Variants in AFF2 observed in about 807,000 individuals in gnomAD.
The protein encoded by AFF2 is AF4/FMR2 family member 2.
Under a neutral mutation model 76.9 loss-of-function variants are expected in AFF2, and 14 were observed. That is an observed-to-expected ratio of 0.18 (90% CI 0.12 to 0.28). AFF2 has a LOEUF of 0.28. Among genes scored for constraint, AFF2 ranks in the 10% least tolerant of loss-of-function variants. The pLI, the probability that AFF2 is intolerant of heterozygous loss-of-function variation, is 1.00. For missense variants in AFF2, 868 were observed against 1,001.1 expected, an observed-to-expected ratio of 0.87 and a Z score of 1.79; for synonymous variants, 398 against 366.7, an observed-to-expected ratio of 1.09 and a Z score of -0.98.
At chrX:148,610,136 G>A (rs2053713806) in intron 1 of AFF2, among the ~76,000 whole-genome samples, 1 of 111,732 alleles carries the variant, frequency 8.9e-6, no homozygotes, top group Non-Finnish European at 1.9e-5. Context: ...AGAGAGGGGG[G>A]TGGAAGAGTG....
chrX:148,810,270 G>A (rs1167413935), intron 4 of AFF2, among the ~76,000 whole-genome samples: 3 of 111,692 alleles, frequency 2.7e-5, no homozygotes, highest in Non-Finnish European at 3.8e-5. Flanking sequence ...CACTGCTGCC[G>A]CCCACTATGT....
intron 3 of AFF2, among the ~76,000 whole-genome samples, chrX:148,728,906 C>T (rs184279080): frequency 1.8e-5 from 2 of 112,122 alleles, no homozygotes; most frequent in East Asian, 2.8e-4. Flanking sequence ...TACCATTATT[C>T]ATCGAGCAAT....
At chrX:148,904,438 C>T (rs2071387270) in intron 9 of AFF2, 180 bp downstream of exon 9, 1 of 386,017 alleles carries the variant, frequency 2.6e-6, no homozygotes, top group African/African-American at 2.6e-5. Flanking sequence ...TTATATTTTT[C>T]CCTGTGCTCC....
intron 1 of AFF2, among the ~76,000 whole-genome samples, chrX:148,553,242 T>C (rs958495210): frequency 1.8e-5 from 2 of 111,905 alleles, no homozygotes; most frequent in Non-Finnish European, 3.8e-5. Context: ...AGACCAACTC[T>C]GTCCAATAGC....
Position 148,639,945 on chromosome X carries a change from C to G in AFF2, c.48-12054C>G, listed in dbSNP as rs2054070786. Among the ~76,000 whole-genome samples, 3 of 109,634 alleles carry G rather than the reference C, an allele frequency of 2.7e-5. No individual in the cohort carries two copies. The South Asian group carries it at 1.1e-3, about 40-fold the overall frequency. ...TTAAGTAGTACTAAAGATAATGATT[C>G]TAATGCAGATAGAGAAAGGAGCTGC... On this transcript the variant is annotated intron_variant, in intron 1 of 20. Transcript: ENST00000370460.
intron 4 of AFF2, among the ~76,000 whole-genome samples, chrX:148,832,035 G>C (rs1334685525): frequency 1.8e-5 from 2 of 112,435 alleles, no homozygotes; most frequent in African/African-American, 6.5e-5. Context: ...GTTTAATTTA[G>C]TTTTGGTGAC....
intron 4 of AFF2, among the ~76,000 whole-genome samples, chrX:148,837,007 A>G (rs1557273874): frequency 8.9e-6 from 1 of 111,972 alleles, no homozygotes; most frequent in African/African-American, 3.2e-5. Context: ...CAGTATGTGC[A>G]TCATGGGTCA....
rs1033393787 is a variant in AFF2, at chrX:148,588,075, A to G, written c.48-63924A>G. 2.7e-5 allele frequency among the ~76,000 whole-genome samples: 3 copies of G among 112,330 alleles called. No individual in the cohort carries two copies. In the Admixed American group the frequency reaches 2.8e-4, roughly 11 times the overall value. On this transcript the variant is annotated intron_variant, in intron 1 of 20. Transcript: ENST00000370460. Reference sequence around the variant, plus strand: ...CTTCAATGCCGTTAGTGGATTTTTAACAGAAGGAAACTAGCCTGCTCCCTT... The same window carrying G: ...CTTCAATGCCGTTAGTGGATTTTTAGCAGAAGGAAACTAGCCTGCTCCCTT...
intron 3 of AFF2, among the ~76,000 whole-genome samples, chrX:148,741,721 T>C (rs1227585721): frequency 9.0e-6 from 1 of 111,079 alleles, no homozygotes; most frequent in Non-Finnish European, 1.9e-5. Context: ...CCTATGGAGT[T>C]TTACACCCTG....
chrX:148,603,588 G>C (rs781955046), intron 1 of AFF2, among the ~76,000 whole-genome samples: 1 of 109,894 alleles, frequency 9.1e-6, no homozygotes, highest in Admixed American at 9.7e-5. Flanking sequence ...GAAATTACTA[G>C]TTTTGCCACC....
At chrX:148,632,890 G>A (rs1170836335) in intron 1 of AFF2, among the ~76,000 whole-genome samples, 1 of 111,957 alleles carries the variant, frequency 8.9e-6, no homozygotes, top group Non-Finnish European at 1.9e-5. Context: ...GTGACAGAAA[G>A]ATGGAAACCC....
intron 7 of AFF2, among the ~76,000 whole-genome samples, chrX:148,879,630 A>G (rs2071073885): frequency 8.9e-6 from 1 of 111,993 alleles, no homozygotes; most frequent in South Asian, 3.8e-4. Context: ...TTGTAGCTCA[A>G]AAGCAGCCGT....
intron 4 of AFF2, among the ~76,000 whole-genome samples, chrX:148,827,316 A>T (rs782161689): frequency 2.7e-5 from 3 of 111,308 alleles, no homozygotes; most frequent in Non-Finnish European, 5.7e-5. Context: ...GTTGTCATGA[A>T]CTCCTCATTA....
At chrX:148,883,257 G>A (rs2071119099) in intron 7 of AFF2, among the ~76,000 whole-genome samples, 1 of 111,649 alleles carries the variant, frequency 9.0e-6, no homozygotes, top group African/African-American at 3.3e-5. Context: ...ATTACCTTCA[G>A]ATTGTTCAGA....
chrX:148,635,081 A>G (rs928982383), intron 1 of AFF2, among the ~76,000 whole-genome samples: 1 of 111,284 alleles, frequency 9.0e-6, no homozygotes, highest in Non-Finnish European at 1.9e-5. Context: ...GTCCATGTCC[A>G]TATATATATA....
intron 1 of AFF2, among the ~76,000 whole-genome samples, chrX:148,562,155 G>T (rs1557240792): frequency 2.7e-5 from 3 of 112,442 alleles, no homozygotes; most frequent in Non-Finnish European, 5.6e-5. Context: ...TGACAGCTTT[G>T]TTCTGTCTAC....
At chrX:148,581,469 CAT>C (rs1475696782) in intron 1 of AFF2, among the ~76,000 whole-genome samples, 1 of 91,618 alleles carries the variant, frequency 1.1e-5, no homozygotes, top group African/African-American at 4.2e-5. Flanking sequence ...CGTGTACACA[CAT>C]ATATACGTAT....
At chrX:148,959,828 G>A (rs182675371) in intron 12 of AFF2, among the ~76,000 whole-genome samples, 45 of 112,291 alleles carry the variant, frequency 4.0e-4, no homozygotes, top group African/African-American at 1.2e-3. Flanking sequence ...GCCCTCCTTC[G>A]TTGTTTGCAA....
rs188834425 is a variant in AFF2 at position 148,646,955 on chromosome X, T to A, written c.48-5044T>A. Among the ~76,000 whole-genome samples, 469 of 102,467 alleles carry A rather than the reference T, an allele frequency of 4.6e-3. 3 individuals carry two copies. Among genetic ancestry groups the A allele is most frequent in the African/African-American group, 0.015 (434 of 28,423 alleles). The allele number at this position is 102,467 out of a possible 115,157, so 89.0% of individuals were successfully genotyped here. ...GCACTTTACATAATGTGGGTTAAGT[T>A]TGAAGGTATTGGATAGCAGAGATTT... is the stretch of plus-strand genomic sequence containing the variant. On this transcript the variant is annotated intron_variant, in intron 1 of 20. Transcript: ENST00000370460.
Sources: allele counts gnomAD v4.1 joint callset (sites outside exome capture counted in the v4.1 genomes callset), GRCh38; gene constraint gnomAD v4.1.1; transcripts MANE v1.5; gene names NCBI Gene and HGNC (gene_info 2026-07-23, HGNC 2026-07-21).